Variants in ATXN1 observed in about 807,000 individuals in gnomAD.
The protein encoded by ATXN1 is ataxin 1.
ATXN1 carries 8 observed loss-of-function variants against 56.4 expected under a neutral mutation model. That is an observed-to-expected ratio of 0.14 (90% CI 0.08 to 0.26). The LOEUF (loss-of-function observed/expected upper bound fraction) is 0.26. Among genes scored for constraint, ATXN1 ranks in the 10% least tolerant of loss-of-function variants. The probability of loss-of-function intolerance (pLI) is 1.00; values close to 1 mark genes in which losing one functional copy is unlikely to be tolerated. For synonymous variants in ATXN1, 514 were observed against 494.6 expected (o/e 1.04, Z -0.52); for missense variants, 987 against 1,106.5 (o/e 0.89, Z 1.53).
At chr6:16,650,065 T>A (rs1403289105) in intron 3 of ATXN1, among the ~76,000 whole-genome samples, 1 of 152,144 alleles carries the variant, frequency 6.6e-6, no homozygotes, top group Non-Finnish European at 1.5e-5. Flanking sequence ...CTCAAAATGC[T>A]GACATTACAG....
At chr6:16,706,131 C>T (rs1759400814) in intron 2 of ATXN1, among the ~76,000 whole-genome samples, 2 of 152,114 alleles carry the variant, frequency 1.3e-5, no homozygotes, top group Admixed American at 1.3e-4. Context: ...CTTGTCTGAA[C>T]AACTCCTCAT....
At chr6:16,692,248 T>C in intron 2 of ATXN1, among the ~76,000 whole-genome samples, 1 of 152,142 alleles carries the variant, frequency 6.6e-6, no homozygotes, top group Non-Finnish European at 1.5e-5. Context: ...TGAGCGAGAC[T>C]CTGCAAATAT....
chr6:16,388,115 G>A (rs1337156083), intron 6 of ATXN1, among the ~76,000 whole-genome samples: 11 of 152,188 alleles, frequency 7.2e-5, no homozygotes, highest in Non-Finnish European at 1.0e-4. Context: ...ACTATGCACA[G>A]GGGAGTGTGA....
intron 3 of ATXN1, among the ~76,000 whole-genome samples, chr6:16,611,760 T>C (rs879399954): frequency 3.4e-5 from 5 of 147,180 alleles, no homozygotes; most frequent in African/African-American, 5.0e-5. Flanking sequence ...TGGAAATATA[T>C]AAAGAAAATA....
At chr6:16,734,953 A>C (rs1204155479) in intron 2 of ATXN1, among the ~76,000 whole-genome samples, 1 of 152,200 alleles carries the variant, frequency 6.6e-6, no homozygotes, top group Non-Finnish European at 1.5e-5. Context: ...CTTATTTTTT[A>C]TAATTTACAT....
chr6:16,492,065 T>G (rs552244266), intron 5 of ATXN1, among the ~76,000 whole-genome samples: 3 of 152,246 alleles, frequency 2.0e-5, no homozygotes, highest in Non-Finnish European at 4.4e-5. Flanking sequence ...TGTTGACACC[T>G]CAATTTCAGT....
At chr6:16,460,280 A>G (rs889052432) in intron 6 of ATXN1, among the ~76,000 whole-genome samples, 3 of 152,206 alleles carry the variant, frequency 2.0e-5, no homozygotes, top group Non-Finnish European at 4.4e-5. Flanking sequence ...GAGAGCGGGA[A>G]TAGCTCTTGG....
At chr6:16,606,867 T>TG (rs1554119511) in intron 3 of ATXN1, among the ~76,000 whole-genome samples, 1 of 126,712 alleles carries the variant, frequency 7.9e-6, no homozygotes, top group African/African-American at 2.9e-5. Flanking sequence ...GTTCCATGAG[T>TG]TGTGTGTGTG....
Position 16,302,140 on chromosome 6 carries a change from T to C in ATXN1, c.*4189A>G, listed in dbSNP as rs1159106291. 1 of 152,644 alleles carries C rather than the reference T, an allele frequency of 6.6e-6. No homozygotes were observed. Among genetic ancestry groups the C allele is most frequent in the Non-Finnish European group, 1.5e-5 (1 of 68,052 alleles). The allele number at this position is 152,644 out of a possible 1,614,324, so 9.5% of individuals were successfully genotyped here. A position where few individuals can be genotyped will look rare whatever the true frequency, so the allele number is the denominator to read the frequency against. ...CCACAAGATGCAGGAAATCCAAACA[T>C]TCCTTGAAATTGTACAACCCTACTC... On this transcript the variant is annotated 3_prime_UTR_variant, in exon 8 of 8. Transcript: ENST00000436367.
intron 6 of ATXN1, among the ~76,000 whole-genome samples, chr6:16,378,088 C>G (rs890474468): frequency 6.6e-6 from 1 of 152,234 alleles, no homozygotes; most frequent in African/African-American, 2.4e-5. Context: ...CCACCACAAC[C>G]TGTGTGCAGG....
At chr6:16,503,022 T>C (rs1431801808) in intron 5 of ATXN1, among the ~76,000 whole-genome samples, 1 of 150,086 alleles carries the variant, frequency 6.7e-6, no homozygotes, top group Non-Finnish European at 1.5e-5. Flanking sequence ...TCACCAACTA[T>C]AATAATTTTT....
At chr6:16,421,011 A>T (rs912686004) in intron 6 of ATXN1, among the ~76,000 whole-genome samples, 27 of 152,242 alleles carry the variant, frequency 1.8e-4, no homozygotes. Flanking sequence ...GGTTTATGGT[A>T]GGAAAACTGC....
chr6:16,493,625 G>GA (rs1388549271), intron 5 of ATXN1, among the ~76,000 whole-genome samples: 1 of 152,058 alleles, frequency 6.6e-6, no homozygotes, highest in East Asian at 1.9e-4. Flanking sequence ...CTTTTTGTAA[G>GA]CTTCACGGGG....
Position 16,454,125 on chromosome 6 carries a change from C to CAAAAAAAA in ATXN1, c.-161+31839_-161+31846dup, listed in dbSNP as rs56277549. On this transcript the variant is annotated intron_variant, in intron 6 of 7. Coordinates refer to ENST00000436367, the MANE Select transcript of ATXN1 (RefSeq NM_001128164.2). ...GGGCAATAAGAGCGAGACTCTGTCT[C>CAAAAAAAA]AAAAAAAAAAAAAAAAAAAAAAAAA... Among the ~76,000 whole-genome samples the CAAAAAAAA allele has an allele frequency of 1.1e-3, 86 of 76,612 alleles. 7 individuals carry two copies. The highest frequency in any genetic ancestry group is 7.6e-3 in the East Asian group (15 of 1,966). The allele number at this position is 76,612 out of a possible 152,430, so 50.3% of individuals were successfully genotyped here.
chr6:16,378,789 G>A (rs1318128865), intron 6 of ATXN1, among the ~76,000 whole-genome samples: 1 of 151,880 alleles, frequency 6.6e-6, no homozygotes, highest in African/African-American at 2.4e-5. Context: ...CAAACTCCTG[G>A]GTTCAAGCAG....
intron 4 of ATXN1, among the ~76,000 whole-genome samples, chr6:16,564,186 A>T (rs1762172203): frequency 6.6e-6 from 1 of 152,220 alleles, no homozygotes; most frequent in African/African-American, 2.4e-5. Context: ...GGGCATTCAT[A>T]CTTAGCAAAA....
chr6:16,544,429 G>A (rs1158339641), intron 4 of ATXN1, among the ~76,000 whole-genome samples: 1 of 152,182 alleles, frequency 6.6e-6, no homozygotes, highest in Non-Finnish European at 1.5e-5. Context: ...GAATGAGCCT[G>A]CAATCCTTCC....
intron 3 of ATXN1, among the ~76,000 whole-genome samples, chr6:16,605,251 T>C (rs948285032): frequency 4.6e-5 from 7 of 152,174 alleles, no homozygotes; most frequent in Non-Finnish European, 8.8e-5. Flanking sequence ...ATGTTCAGGC[T>C]CCCTATTTTG....
At chr6:16,754,333 T>C (rs946783507) in intron 1 of ATXN1, among the ~76,000 whole-genome samples, 11 of 152,236 alleles carry the variant, frequency 7.2e-5, no homozygotes, top group Non-Finnish European at 1.6e-4. Context: ...AGGCTGATTT[T>C]AAACTTAGTT....
Sources: allele counts gnomAD v4.1 joint callset (sites outside exome capture counted in the v4.1 genomes callset), GRCh38; gene constraint gnomAD v4.1.1; transcripts MANE v1.5; gene names NCBI Gene and HGNC (gene_info 2026-07-23, HGNC 2026-07-21).